KAT6B: variants seen among roughly 807,000 people sequenced by gnomAD.
KAT6B encodes histone acetyltransferase KAT6B.
A neutral mutation model predicts 187.5 loss-of-function variants in KAT6B; 10 were observed. The observed-to-expected ratio is 0.05, with a 90% CI of 0.03 to 0.09. The LOEUF is 0.09. Ranked by LOEUF, KAT6B falls within the 10% of genes least tolerant of loss-of-function variation. The pLI, the probability that KAT6B is intolerant of heterozygous loss-of-function variation, is 1.00. For missense variants in KAT6B, 1,952 were observed against 2,558.9 expected (o/e 0.76, Z 5.12); for synonymous variants, 861 against 926.8 (o/e 0.93, Z 1.29).
chr10:74,974,814 A>G (rs1024221490), intron 7 of KAT6B, among the ~76,000 whole-genome samples: 6 of 152,120 alleles, frequency 3.9e-5, no homozygotes, highest in Non-Finnish European at 7.4e-5. Context: ...CTCCTAAGAG[A>G]GTATTATTGG....
At chr10:74,983,764 G>C (rs1452960936) in intron 11 of KAT6B, 1 of 152,182 alleles carries the variant, frequency 6.6e-6, no homozygotes, top group African/African-American at 2.4e-5. Context: ...TCAGAAGCAT[G>C]TATGTAAAAT....
chr10:75,014,403 G>T (rs967056833), intron 13 of KAT6B, among the ~76,000 whole-genome samples: 1 of 152,076 alleles, frequency 6.6e-6, no homozygotes, highest in Admixed American at 6.5e-5. Context: ...TGTAAAACAT[G>T]TAAAATAATG....
chr10:74,960,034 A>C lies in KAT6B; in HGVS notation c.686A>C (p.Lys229Thr), dbSNP rs1416176192. The C allele has an allele frequency of 3.1e-6, 5 of 1,613,436 alleles. No homozygotes were observed. The highest frequency in any genetic ancestry group is 3.4e-6 in the Non-Finnish European group (4 of 1,179,504). ...GGGACTAAAGAATCAAATCGTGAAA[A>C]GAAACCAGAAGAACTCCTCTCTTGT... ...CLGTKESNRE[K>T]KPEELLSCAD... Residue 229 changes from lysine to threonine, a missense_variant, in exon 4 of 18, where the codon AAG becomes ACG. Around this residue, in one of 9 missense-constraint regions of KAT6B, gnomAD observed 218 missense variants for 282.6 expected, o/e 0.77. Transcript: ENST00000287239.
intron 3 of KAT6B, among the ~76,000 whole-genome samples, chr10:74,887,055 A>G (rs1005842858): frequency 2.0e-5 from 3 of 152,164 alleles, no homozygotes; most frequent in Admixed American, 6.5e-5. Flanking sequence ...GCCTTTCTCC[A>G]CCGTCTCTCT....
At chr10:74,851,875 T>G (rs1842504794) in intron 3 of KAT6B, among the ~76,000 whole-genome samples, 1 of 152,202 alleles carries the variant, frequency 6.6e-6, no homozygotes, top group African/African-American at 2.4e-5. Context: ...TTAGATAAGT[T>G]TATTTTTAGA....
chr10:74,956,484 A>G (rs112582337), intron 3 of KAT6B, among the ~76,000 whole-genome samples: 11 of 152,192 alleles, frequency 7.2e-5, no homozygotes, highest in African/African-American at 2.7e-4. Context: ...GAGAAATTGT[A>G]TGGAATAGAT....
chr10:74,917,424 T>C (rs2133010067), intron 3 of KAT6B, among the ~76,000 whole-genome samples: 1 of 152,338 alleles, frequency 6.6e-6, no homozygotes, highest in Middle Eastern at 3.4e-3. Context: ...CCACATTACC[T>C]TCAGTTGTTG....
At chr10:74,864,971 A>G (rs1843448722) in intron 3 of KAT6B, among the ~76,000 whole-genome samples, 2 of 152,162 alleles carry the variant, frequency 1.3e-5, no homozygotes, top group East Asian at 1.9e-4. Context: ...TTTCTTTTGA[A>G]AAGTTTTTAG....
At chr10:75,021,786 A>C in intron 15 of KAT6B, 95 bp from the exon 16 acceptor site, 3 of 1,360,570 alleles carry the variant, frequency 2.2e-6, no homozygotes, top group Non-Finnish European at 3.1e-6. Context: ...TGTCCTGATC[A>C]GAACCGACTT....
intron 3 of KAT6B, among the ~76,000 whole-genome samples, chr10:74,852,639 G>A (rs146772602): frequency 1.2e-3 from 183 of 152,290 alleles, no homozygotes; most frequent in African/African-American, 3.4e-3. Context: ...GCATGACAGC[G>A]TGTTCCACTT....
rs751283321 is a variant in KAT6B, at chr10:74,976,045, C to T, written c.1708C>T (p.Arg570Cys). The T allele has an allele frequency of 5.6e-6, 9 of 1,614,080 alleles. No individual in the cohort carries two copies. Among genetic ancestry groups the T allele is most frequent in the Admixed American group, 5.0e-5 (3 of 60,004 alleles). The change falls in exon 8 of 18, where the codon CGT (arginine) becomes TGT (cysteine). Residue 570 changes from arginine to cysteine, a missense_variant. Coordinates refer to ENST00000287239, the MANE Select transcript of KAT6B (RefSeq NM_012330.4). ...KGHPSYAPPK[R>C]MRRKTELSST... is the part of the protein sequence containing the mutation. ...ACACCCGAGTTATGCACCACCCAAA[C>T]GTATGCGTCGTAAAACTGAATTATC...
chr10:74,900,070 C>T (rs1846270634), intron 3 of KAT6B, among the ~76,000 whole-genome samples: 1 of 151,766 alleles, frequency 6.6e-6, no homozygotes, highest in Admixed American at 6.6e-5. Context: ...TACTTTGGGT[C>T]AGAATAACTT....
chr10:74,975,173 T>C (rs1190358384), intron 7 of KAT6B, among the ~76,000 whole-genome samples: 1 of 152,168 alleles, frequency 6.6e-6, no homozygotes, highest in East Asian at 1.9e-4. Context: ...TGGGTCCACA[T>C]GGATTCTTCC....
chr10:74,929,517 A>G (rs189720095), intron 3 of KAT6B, among the ~76,000 whole-genome samples: 15 of 152,330 alleles, frequency 9.8e-5, no homozygotes, highest in South Asian at 2.1e-4. Context: ...ATAGTCCAAG[A>G]CACAATCCTT....
intron 3 of KAT6B, among the ~76,000 whole-genome samples, chr10:74,929,765 T>G (rs1054528087): frequency 6.6e-6 from 1 of 152,222 alleles, no homozygotes; most frequent in African/African-American, 2.4e-5. Flanking sequence ...TTCTTACTTG[T>G]GTTTTCAAGC....
At chr10:74,852,070 G>T (rs1031510803) in intron 3 of KAT6B, among the ~76,000 whole-genome samples, 1 of 152,070 alleles carries the variant, frequency 6.6e-6, no homozygotes, top group African/African-American at 2.4e-5. Flanking sequence ...AGCCCTAGGG[G>T]AATTGTTCAT....
chr10:74,936,826 C>G (rs1358909868), intron 3 of KAT6B, among the ~76,000 whole-genome samples: 1 of 152,068 alleles, frequency 6.6e-6, no homozygotes, highest in African/African-American at 2.4e-5. Flanking sequence ...ACTTTTACAA[C>G]TTATGTCATT....
chr10:74,840,349 G>A (rs550819950), intron 2 of KAT6B, among the ~76,000 whole-genome samples: 78 of 152,318 alleles, frequency 5.1e-4, no homozygotes, highest in Non-Finnish European at 9.7e-4. Flanking sequence ...GCTGGAGGTA[G>A]CATGGGGTTT....
At chr10:74,958,600 T>G (rs1048311331) in intron 3 of KAT6B, among the ~76,000 whole-genome samples, 42 of 152,190 alleles carry the variant, frequency 2.8e-4, no homozygotes, top group Admixed American at 2.0e-4. Context: ...TTCCTATGGA[T>G]GGGAATACTA....
Sources: gnomAD v4.1 joint callset for allele counts (sites outside exome capture counted in the v4.1 genomes callset) on GRCh38, gnomAD v4.1.1 for gene constraint, gnomAD v4.1.1 regional missense constraint, MANE v1.5 for transcripts, NCBI Gene and HGNC (gene_info 2026-07-23, HGNC 2026-07-21) for gene names.